EEA1: variants seen among roughly 807,000 people sequenced by gnomAD.
The protein encoded by EEA1 is early endosome antigen 1, 162kD.
In EEA1, 111 loss-of-function variants were observed where a neutral mutation model predicts 209.2. That is an observed-to-expected ratio of 0.53 (90% CI 0.45 to 0.62). EEA1 has a LOEUF of 0.62. Among genes scored for constraint, EEA1 ranks in the 20% least tolerant of loss-of-function variants. The pLI is 0.00. For missense variants in EEA1, 1,343 were observed against 1,530.8 expected (o/e 0.88, Z 2.05); for synonymous variants, 536 against 540.6 (o/e 0.99, Z 0.12).
chr12:92,809,523 TAAAA>T (rs57998627), intron 17 of EEA1, among the ~76,000 whole-genome samples: 2 of 107,024 alleles, frequency 1.9e-5, no homozygotes, highest in Non-Finnish European at 1.9e-5. Flanking sequence ...TTATCTCTAC[TAAAA>T]AAAAAAAAAA....
Position 92,929,245 on chromosome 12 carries a change from G to A in EEA1, c.-179C>T. ...CGACTTCCCCACAGGCGGCGAGAGG[G>A]AGCACGCGAGAGAGAGCGAGCGAAC... On this transcript the variant is annotated 5_prime_UTR_variant, in exon 1 of 29. Transcript: ENST00000322349. 2 of 482,832 alleles carry A rather than the reference G, an allele frequency of 4.1e-6. No individual in the cohort carries two copies. Among genetic ancestry groups the A allele is most frequent in the Non-Finnish European group, 7.1e-6 (2 of 280,550 alleles). The allele number at this position is 482,832 out of a possible 1,614,324, so 29.9% of individuals were successfully genotyped here. A position where few individuals can be genotyped will look rare whatever the true frequency, so the allele number is the denominator to read the frequency against.
chr12:92,843,149 T>C (rs1270109868), intron 9 of EEA1, among the ~76,000 whole-genome samples: 1 of 152,134 alleles, frequency 6.6e-6, no homozygotes, highest in Non-Finnish European at 1.5e-5. Flanking sequence ...CTTGCTTTAG[T>C]GCATTTTAAT....
chr12:92,868,431 C>T (rs191788258), intron 2 of EEA1, among the ~76,000 whole-genome samples: 11 of 152,330 alleles, frequency 7.2e-5, no homozygotes, highest in African/African-American at 7.2e-5. Context: ...AAGTGTTCCT[C>T]GGAGAAGCTA....
intron 9 of EEA1, among the ~76,000 whole-genome samples, chr12:92,845,626 CT>C (rs1201296073): frequency 1.3e-5 from 2 of 152,136 alleles, no homozygotes; most frequent in African/African-American, 4.8e-5. Context: ...CCCGACAACT[CT>C]AAAACTGTTC....
Position 92,772,013 on chromosome 12 carries a change from G to A in EEA1, c.*3998C>T, listed in dbSNP as rs944350251. On this transcript the variant is annotated 3_prime_UTR_variant, in exon 29 of 29. Coordinates refer to ENST00000322349, the MANE Select transcript of EEA1 (RefSeq NM_003566.4). The stretch of plus-strand genomic sequence containing the variant: ...ATATGCACATTAAACTCTTTGGAGG[G>A]TTTAGAATGAAGCACATTCGAATGA... 6.6e-5 allele frequency: 10 copies of A among 151,768 alleles called. No individual in the cohort carries two copies. The highest frequency in any genetic ancestry group is 2.4e-4 in the African/African-American group (10 of 41,354). 9.4% of individuals were successfully genotyped at this position (151,768 alleles called of 1,614,324 possible). A position where few individuals can be genotyped will look rare whatever the true frequency, so the allele number is the denominator to read the frequency against.
At chr12:92,814,814 TG>T (rs1183753467) in intron 15 of EEA1, among the ~76,000 whole-genome samples, 1 of 152,074 alleles carries the variant, frequency 6.6e-6, no homozygotes, top group Non-Finnish European at 1.5e-5. Context: ...GGAAGTACCG[TG>T]GAAGTAGAGA....
At chr12:92,898,721 C>A (rs1343991732) in intron 1 of EEA1, among the ~76,000 whole-genome samples, 1 of 133,592 alleles carries the variant, frequency 7.5e-6, no homozygotes, top group Non-Finnish European at 1.6e-5. Flanking sequence ...TTTTTTTTTC[C>A]TTTTTTTCCC....
chr12:92,827,468 G>GC (rs1876370326), intron 12 of EEA1, among the ~76,000 whole-genome samples: 1 of 152,112 alleles, frequency 6.6e-6, no homozygotes, highest in Non-Finnish European at 1.5e-5. Flanking sequence ...ATCATTTATG[G>GC]CAACTGCAAG....
chr12:92,896,379 G>A (rs539464698), intron 1 of EEA1, among the ~76,000 whole-genome samples: 1 of 152,274 alleles, frequency 6.6e-6, no homozygotes, highest in African/African-American at 2.4e-5. Flanking sequence ...AGAAGATGCT[G>A]TGAACACTGT....
chr12:92,790,392 G>T (rs1174429409), intron 21 of EEA1, among the ~76,000 whole-genome samples: 1 of 152,094 alleles, frequency 6.6e-6, no homozygotes, highest in Non-Finnish European at 1.5e-5. Flanking sequence ...TTGAAAAAAG[G>T]TTTTTTCAAC....
intron 2 of EEA1, among the ~76,000 whole-genome samples, chr12:92,873,770 T>C (rs568521122): frequency 1.3e-5 from 2 of 152,324 alleles, no homozygotes; most frequent in African/African-American, 4.8e-5. Context: ...CTACTTCATA[T>C]GAATCTCATG....
intron 1 of EEA1, among the ~76,000 whole-genome samples, chr12:92,906,232 T>C (rs935834625): frequency 1.3e-5 from 2 of 151,766 alleles, no homozygotes; most frequent in South Asian, 2.1e-4. Flanking sequence ...GCTGGGACTA[T>C]AGGCACATGC....
intron 21 of EEA1, among the ~76,000 whole-genome samples, chr12:92,791,355 C>T (rs2136658162): frequency 6.6e-6 from 1 of 152,260 alleles, no homozygotes; most frequent in South Asian, 2.1e-4. Context: ...CAAGACCCAT[C>T]AGTGTGCTGT....
At chr12:92,816,869 T>A (rs1235189056) in intron 14 of EEA1, among the ~76,000 whole-genome samples, 1 of 147,036 alleles carries the variant, frequency 6.8e-6, no homozygotes. Flanking sequence ...CAGATACACA[T>A]ACTGCAAATG....
chr12:92,906,628 C>T (rs866028914), intron 1 of EEA1, among the ~76,000 whole-genome samples: 9 of 152,084 alleles, frequency 5.9e-5, no homozygotes, highest in Middle Eastern at 3.4e-3. Flanking sequence ...CTGGCTAACA[C>T]GGTGAAACCC....
At chr12:92,854,495 A>C (rs1877780111) in intron 5 of EEA1, among the ~76,000 whole-genome samples, 1 of 152,222 alleles carries the variant, frequency 6.6e-6, no homozygotes, top group South Asian at 2.1e-4. Flanking sequence ...CAGTAGTATT[A>C]CATCAGACCT....
At chr12:92,832,441 C>A in intron 11 of EEA1, 71 bp downstream of exon 11, 2 of 1,402,178 alleles carry the variant, frequency 1.4e-6, no homozygotes, top group South Asian at 2.8e-5. Flanking sequence ...ATATTATGAT[C>A]AAATAACCAT....
intron 20 of EEA1, among the ~76,000 whole-genome samples, chr12:92,799,738 G>A (rs546803370): frequency 6.6e-6 from 1 of 151,946 alleles, no homozygotes; most frequent in Non-Finnish European, 1.5e-5. Flanking sequence ...AGTGAGCCGA[G>A]ATCGTGCCAC....
chr12:92,923,720 T>C (rs929744896), intron 1 of EEA1, among the ~76,000 whole-genome samples: 6 of 152,066 alleles, frequency 3.9e-5, no homozygotes, highest in African/African-American at 1.2e-4. Context: ...GTCTCCTCCA[T>C]TAAAACTCAG....
Sources: gnomAD v4.1 joint callset for allele counts (sites outside exome capture counted in the v4.1 genomes callset) on GRCh38, gnomAD v4.1.1 for gene constraint, MANE v1.5 for transcripts, NCBI Gene and HGNC (gene_info 2026-07-23, HGNC 2026-07-21) for gene names.